KANSL1L: variants seen among roughly 807,000 people sequenced by gnomAD.
KANSL1L encodes the protein KAT8 regulatory NSL complex subunit 1-like protein.
KANSL1L carries 25 observed loss-of-function variants against 108.6 expected under a neutral mutation model. The ratio of observed to expected loss-of-function variants is 0.23; its 90% CI spans 0.17 to 0.32. KANSL1L has a LOEUF of 0.32. Among genes scored for constraint, KANSL1L ranks in the 10% least tolerant of loss-of-function variants. The pLI, the probability that KANSL1L is intolerant of heterozygous loss-of-function variation, is 1.00. For missense variants in KANSL1L, 1,137 were observed against 1,125.7 expected, an observed-to-expected ratio of 1.01 and a Z score of -0.14; for synonymous variants, 405 against 395.1, an observed-to-expected ratio of 1.03 and a Z score of -0.30.
intron 1 of KANSL1L, among the ~76,000 whole-genome samples, chr2:210,161,374 T>C (rs71420791): frequency 6.6e-6 from 1 of 151,178 alleles, no homozygotes; most frequent in African/African-American, 2.4e-5. Context: ...TGGACATCCA[T>C]AGGGAAAAAA....
chr2:210,142,110 T>TTG (rs2095234779), intron 2 of KANSL1L, among the ~76,000 whole-genome samples: 1 of 151,806 alleles, frequency 6.6e-6, no homozygotes, highest in Non-Finnish European at 1.5e-5. Flanking sequence ...TTTTTAAGAG[T>TTG]TTGAGTACAG....
chr2:210,159,356 T>C lies in KANSL1L; in HGVS notation c.-29-4745A>G, dbSNP rs575869431. 1.3e-4 allele frequency among the ~76,000 whole-genome samples: 20 copies of C among 152,334 alleles called. No individual in the cohort carries two copies. The South Asian group carries it at 4.1e-3, about 32-fold the overall frequency. Reference sequence around the variant, plus strand: ...CATTTACTTCTGCTCTAAGGTCACCTCATCAGAGTCCTTCCCTGACCAATA... The same window carrying C: ...CATTTACTTCTGCTCTAAGGTCACCCCATCAGAGTCCTTCCCTGACCAATA... On this transcript the variant is annotated intron_variant, in intron 1 of 14. Transcript: ENST00000281772.
intron 3 of KANSL1L, among the ~76,000 whole-genome samples, chr2:210,124,600 A>G (rs1354055214): frequency 1.3e-5 from 2 of 152,032 alleles, no homozygotes; most frequent in Non-Finnish European, 2.9e-5. Context: ...AACTAGAAAA[A>G]GAAGAACAAT....
chr2:210,129,037 G>A lies in KANSL1L; in HGVS notation c.1224C>T (p.Ala408=). 2.5e-6 allele frequency: 4 copies of A among 1,613,208 alleles called. No homozygotes were observed. Among genetic ancestry groups the A allele is most frequent in the Non-Finnish European group, 3.4e-6 (4 of 1,179,324 alleles). Residue 408 remains alanine (A), a synonymous_variant, in exon 3 of 15, where the codon GCC becomes GCT. Coordinates refer to ENST00000281772, the MANE Select transcript of KANSL1L (RefSeq NM_152519.4). ...QLTDIHRQIR[A]SKGIVVLEEC... ...GAACACAGACAGACAATACCTTGGAGGCACGAATTTGCCTGTGAATGTCTG... is the reference window on the plus strand; with the variant it reads ...GAACACAGACAGACAATACCTTGGAAGCACGAATTTGCCTGTGAATGTCTG...
At chr2:210,049,051 A>G (rs911147326) in intron 6 of KANSL1L, among the ~76,000 whole-genome samples, 2 of 152,142 alleles carry the variant, frequency 1.3e-5, no homozygotes, top group African/African-American at 4.8e-5. Flanking sequence ...TGTACAGTAG[A>G]TCTGAGTTCT....
intron 6 of KANSL1L, among the ~76,000 whole-genome samples, chr2:210,059,597 C>A (rs1374799010): frequency 6.6e-6 from 1 of 152,102 alleles, no homozygotes; most frequent in African/African-American, 2.4e-5. Context: ...GTTATACATG[C>A]TATAAATTTA....
chr2:210,024,430 A>G (rs2093907017), intron 13 of KANSL1L, among the ~76,000 whole-genome samples: 1 of 152,086 alleles, frequency 6.6e-6, no homozygotes, highest in Non-Finnish European at 1.5e-5. Flanking sequence ...GGGGAGGGTT[A>G]TTCTTGTTTT....
Position 210,171,376 on chromosome 2 carries a change from T to C in KANSL1L, c.-257A>G. 1 of 171,228 alleles carries C rather than the reference T, an allele frequency of 5.8e-6. No individual in the cohort carries two copies. Among genetic ancestry groups the C allele is most frequent in the Non-Finnish European group, 1.2e-5 (1 of 83,100 alleles). 10.6% of individuals were successfully genotyped at this position (171,228 alleles called of 1,614,324 possible). ...AGTCCGCCCGCTGCCCGCAGCTCCG[T>C]GCGGCTCGGGGGGACGGAACCCTGC... On this transcript the variant is annotated 5_prime_UTR_variant, in exon 1 of 15. Coordinates refer to ENST00000281772, the MANE Select transcript of KANSL1L (RefSeq NM_152519.4).
intron 1 of KANSL1L, among the ~76,000 whole-genome samples, chr2:210,160,181 G>A (rs2095354550): frequency 6.6e-6 from 1 of 152,190 alleles, no homozygotes; most frequent in Non-Finnish European, 1.5e-5. Flanking sequence ...GAGAGGGAAT[G>A]TCTTTAATCT....
At chr2:210,058,888 G>A (rs917025946) in intron 6 of KANSL1L, among the ~76,000 whole-genome samples, 9 of 147,706 alleles carry the variant, frequency 6.1e-5, no homozygotes, top group African/African-American at 1.0e-4. Context: ...GGGGCATCAC[G>A]GAACCTGCCA....
intron 6 of KANSL1L, among the ~76,000 whole-genome samples, chr2:210,063,148 T>C (rs2094436212): frequency 6.6e-6 from 1 of 152,228 alleles, no homozygotes; most frequent in Non-Finnish European, 1.5e-5. Flanking sequence ...GCTCAGGCTG[T>C]GGCTTCAGAG....
chr2:210,060,487 T>C (rs895048646), intron 6 of KANSL1L, among the ~76,000 whole-genome samples: 1 of 152,214 alleles, frequency 6.6e-6, no homozygotes, highest in African/African-American at 2.4e-5. Flanking sequence ...ATGCTAAAAT[T>C]CATAAAAAAT....
chr2:210,077,187 A>T (rs549367360), intron 5 of KANSL1L, among the ~76,000 whole-genome samples: 1 of 152,290 alleles, frequency 6.6e-6, no homozygotes, highest in East Asian at 1.9e-4. Flanking sequence ...TCATACATTC[A>T]ACAAATACGT....
intron 4 of KANSL1L, among the ~76,000 whole-genome samples, chr2:210,100,122 C>A (rs1460311024): frequency 6.6e-6 from 1 of 152,132 alleles, no homozygotes; most frequent in Non-Finnish European, 1.5e-5. Context: ...CACCTGAGCT[C>A]CGCCTCCTGT....
rs2094151923 is a variant in KANSL1L, at chr2:210,040,424, T to G, written c.2025A>C (p.Ser675=). 7.4e-7 allele frequency: 1 copy of G among 1,359,982 alleles called. No homozygotes were observed. Among genetic ancestry groups the G allele is most frequent in the African/African-American group, 1.4e-5 (1 of 69,686 alleles). 84.2% of individuals were successfully genotyped at this position (1,359,982 alleles called of 1,614,324 possible). ...AGAACTGTAAATGTGACATACCAGG[T>G]GATGGAGATATGATATATTCATCTA... ...KFVDEYIISP[S]PVHSTLNQWR... is the part of the protein sequence containing the mutation. The change falls in exon 8 of 15, where the codon TCA becomes TCC. Residue 675 remains serine (S), a synonymous_variant. Transcript: ENST00000281772.
intron 6 of KANSL1L, among the ~76,000 whole-genome samples, chr2:210,065,556 C>T (rs2094459722): frequency 6.7e-6 from 1 of 148,608 alleles, no homozygotes; most frequent in South Asian, 2.1e-4. Context: ...TTGTCTACCT[C>T]TCAATTGAGG....
At chr2:210,111,099 A>G (rs2125460833) in intron 3 of KANSL1L, among the ~76,000 whole-genome samples, 1 of 152,228 alleles carries the variant, frequency 6.6e-6, no homozygotes, top group South Asian at 2.1e-4. Flanking sequence ...CCAACAGAGC[A>G]AGGCCCTGTC....
intron 1 of KANSL1L, among the ~76,000 whole-genome samples, chr2:210,157,843 T>G (rs2095342105): frequency 6.6e-6 from 1 of 151,390 alleles, no homozygotes; most frequent in South Asian, 2.1e-4. Context: ...AAATCCAGGC[T>G]CTGCAAAAAA....
chr2:210,066,867 G>C (rs1314016310), intron 6 of KANSL1L, among the ~76,000 whole-genome samples: 1 of 152,158 alleles, frequency 6.6e-6, no homozygotes, highest in Non-Finnish European at 1.5e-5. Flanking sequence ...TTATGTGTCA[G>C]GTTGACTAGG....
Sources: gnomAD v4.1 joint callset for allele counts (sites outside exome capture counted in the v4.1 genomes callset) on GRCh38, gnomAD v4.1.1 for gene constraint, MANE v1.5 for transcripts, NCBI Gene and HGNC (gene_info 2026-07-23, HGNC 2026-07-21) for gene names.